MKNK2: variants seen among roughly 807,000 people sequenced by gnomAD.
MKNK2 encodes the protein MAPK interacting serine/threonine kinase 2.
MKNK2 carries 54 observed loss-of-function variants against 55.0 expected under a neutral mutation model. The observed-to-expected ratio is 0.98, with a 90% CI of 0.79 to 1.23. MKNK2 has a LOEUF of 1.23. MKNK2 is among the 50% of genes most tolerant of loss of function. The pLI is 0.00. For missense variants in MKNK2, 685 were observed against 632.1 expected (o/e 1.08, Z -0.90); for synonymous variants, 323 against 256.0 (o/e 1.26, Z -2.50).
chr19:2,037,720 C>A lies in MKNK2; in HGVS notation c.*1893G>T. 7 of 1,559,682 alleles carry A rather than the reference C, an allele frequency of 4.5e-6. No individual in the cohort carries two copies. Among genetic ancestry groups the A allele is most frequent in the Non-Finnish European group, 6.1e-6 (7 of 1,143,536 alleles). Reference sequence around the variant, plus strand: ...CCAGCGATGGGAGCTGGCCTGGGGCCCAGGGTCCTCCAGGATCTTCACTCA... The same window carrying A: ...CCAGCGATGGGAGCTGGCCTGGGGCACAGGGTCCTCCAGGATCTTCACTCA... On this transcript the variant is annotated 3_prime_UTR_variant, in exon 14 of 14. Coordinates refer to ENST00000250896, the MANE Select transcript of MKNK2 (RefSeq NM_199054.3).
In MKNK2 at chr19:2,038,692, G is replaced by C; in HGVS notation, c.*921C>G. On this transcript the variant is annotated 3_prime_UTR_variant, in exon 14 of 14. Transcript: ENST00000250896. ...GCGGCGCGAGGCAGGACGTGGCTACGGTCAGACTGAGCCCTGAGAAGGGGC... is the reference window on the plus strand; with the variant it reads ...GCGGCGCGAGGCAGGACGTGGCTACCGTCAGACTGAGCCCTGAGAAGGGGC... 1 of 985,728 alleles carries C rather than the reference G, an allele frequency of 1.0e-6. No homozygotes were observed. The highest frequency in any genetic ancestry group is 1.2e-6 in the Non-Finnish European group (1 of 830,132). The allele number at this position is 985,728 out of a possible 1,614,324, so 61.1% of individuals were successfully genotyped here. A position where few individuals can be genotyped will look rare whatever the true frequency, so the allele number is the denominator to read the frequency against.
At chr19:2,049,822 T>A (rs2017074824) in intron 2 of MKNK2, among the ~76,000 whole-genome samples, 1 of 152,148 alleles carries the variant, frequency 6.6e-6, no homozygotes. Context: ...CCTGGGGCAC[T>A]GGCTGGACAG....
Position 2,043,544 on chromosome 19 carries a change from A to C in MKNK2, c.378T>G (p.Val126=). 3 of 1,614,082 alleles carry C rather than the reference A, an allele frequency of 1.9e-6. No homozygotes were observed. Among genetic ancestry groups the C allele is most frequent in the Non-Finnish European group, 2.5e-6 (3 of 1,179,972 alleles). Residue 126 remains valine (V), a synonymous_variant, in exon 6 of 14, where the codon GTT becomes GTG. Coordinates refer to ENST00000250896, the MANE Select transcript of MKNK2 (RefSeq NM_199054.3). ...EKQPGHIRSR[V]FREVEMLYQC... ...GGTACAGCATCTCCACCTCCCTGAA[A>C]ACCCTGCTCCGAATGTGGCCTGGCT...
rs1486871855 is a variant in MKNK2, at chr19:2,042,807, A to G, written c.557T>C (p.Val186Ala). 1.3e-6 allele frequency: 2 copies of G among 1,581,678 alleles called. No homozygotes were observed. Among genetic ancestry groups the G allele is most frequent in the South Asian group, 1.1e-5 (1 of 87,514 alleles). ...HFNELEASVVVQDVASALDFL... is the reference protein window; with the variant it reads ...HFNELEASVVAQDVASALDFL... ...GTCCAAGGCGCTGGCCACGTCCTGC[A>G]CCACCACGCTGGCCTCCAGCTCGTT... Residue 186 changes from valine to alanine, a missense_variant, in exon 8 of 14, where the codon GTG (valine) becomes GCG (alanine). Transcript: ENST00000250896.
Position 2,038,648 on chromosome 19 carries a change from T to A in MKNK2, c.*965A>T. On this transcript the variant is annotated 3_prime_UTR_variant, in exon 14 of 14. Transcript: ENST00000250896. ...GGACAAGGACGGAGCTGACGGAGCT[T>A]CCAGGTCAGGCCCGAGGGGCGGCGC... 2 of 983,548 alleles carry A rather than the reference T, an allele frequency of 2.0e-6. No homozygotes were observed. Among genetic ancestry groups the A allele is most frequent in the Non-Finnish European group, 2.4e-6 (2 of 828,206 alleles). The allele number at this position is 983,548 out of a possible 1,614,324, so 60.9% of individuals were successfully genotyped here. A position where few individuals can be genotyped will look rare whatever the true frequency, so the allele number is the denominator to read the frequency against.
In MKNK2 at chr19:2,041,841, T is replaced by G. The variant is rs904179749; in HGVS notation, c.944A>C (p.Gln315Pro). ...WDRGEACPAC[Q>P]NMLFESIQEG... ...AGGAGGGTGCGCGGGCCGCCGCACC[T>G]GGCAGGCAGGGCAGGCCTCGCCGCG... Residue 315 changes from glutamine to proline, a missense_variant and splice_region_variant, in exon 11 of 14, where the codon CAG (glutamine) becomes CCG (proline). Coordinates refer to ENST00000250896, the MANE Select transcript of MKNK2 (RefSeq NM_199054.3). The G allele has an allele frequency of 6.6e-7, 1 of 1,521,034 alleles. No homozygotes were observed. Among genetic ancestry groups the G allele is most frequent in the African/African-American group, 1.4e-5 (1 of 71,000 alleles). 94.2% of individuals were successfully genotyped at this position (1,521,034 alleles called of 1,614,324 possible). A position where few individuals can be genotyped will look rare whatever the true frequency, so the allele number is the denominator to read the frequency against.
At chr19:2,041,233 G>T (rs772925506) in intron 11 of MKNK2, 29 bp from the exon 12 acceptor site, 1 of 1,596,056 alleles carries the variant, frequency 6.3e-7, no homozygotes, top group Admixed American at 1.7e-5. Context: ...GGGGAGCTTA[G>T]ACCTGCCCAA....
At chr19:2,043,000 C>G in intron 7 of MKNK2, 124 bp downstream of exon 7, 1 of 1,297,180 alleles carries the variant, frequency 7.7e-7, no homozygotes, top group Non-Finnish European at 1.1e-6. Context: ...AAAGGCCTCA[C>G]CCCTGAGCCA....
rs1175341858 is a variant in MKNK2 at position 2,039,248 on chromosome 19, A to AT, written c.*364_*365insA. On this transcript the variant is annotated 3_prime_UTR_variant, in exon 14 of 14. Coordinates refer to ENST00000250896, the MANE Select transcript of MKNK2 (RefSeq NM_199054.3). ...CGCTGTGGGCCTGCTCTCCTGAGTC[A>AT]CTGCAAGCCACGTGGGCAGATGGCG... is the stretch of plus-strand genomic sequence containing the variant. 7 of 1,106,202 alleles carry AT rather than the reference A, an allele frequency of 6.3e-6. No individual in the cohort carries two copies. The highest frequency in any genetic ancestry group is 7.7e-6 in the Non-Finnish European group (7 of 903,772). The allele number at this position is 1,106,202 out of a possible 1,614,324, so 68.5% of individuals were successfully genotyped here.
chr19:2,047,157 G>A lies in MKNK2; in HGVS notation c.52-466C>T, dbSNP rs1238957371. ...TCAGGGGACGCAGAGTCTCTTAGGG[G>A]GTCCATGGAATTTGCCAACCCAGGG... On this transcript the variant is annotated intron_variant, in intron 2 of 13. Coordinates refer to ENST00000250896, the MANE Select transcript of MKNK2 (RefSeq NM_199054.3). Among the ~76,000 whole-genome samples the A allele has an allele frequency of 2.0e-5, 3 of 152,260 alleles. No homozygotes were observed. In the East Asian group the frequency reaches 5.8e-4, roughly 29 times the overall value.
At chr19:2,043,370 T>G in intron 6 of MKNK2, 133 bp downstream of exon 6, 1 of 1,045,160 alleles carries the variant, frequency 9.6e-7, no homozygotes, top group East Asian at 2.5e-5. Flanking sequence ...GCCAGCCTGC[T>G]TCAGGGAGGG....
rs757299941 is a variant in MKNK2, at chr19:2,039,757, G to A, written c.1254C>T (p.Ala418=). The stretch of plus-strand genomic sequence containing the variant: ...CCAGGACGGGCTGGCCCTGCCCCGC[G>A]GCCTCCTCCTCAGCCAGGTCCTCGT... ...QHDEDLAEEE[A]AGQGQPVLVR... is the part of the protein sequence containing the mutation. Residue 418 remains alanine (A), a synonymous_variant, in exon 14 of 14, where the codon GCC becomes GCT. Coordinates refer to ENST00000250896, the MANE Select transcript of MKNK2 (RefSeq NM_199054.3). 6.5e-5 allele frequency: 105 copies of A among 1,609,404 alleles called. No homozygotes were observed. The highest frequency in any genetic ancestry group is 8.0e-5 in the Non-Finnish European group (94 of 1,179,752).
At chr19:2,046,062 GC>G (rs1427952074) in intron 5 of MKNK2, 123 bp downstream of exon 5, 1 of 961,244 alleles carries the variant, frequency 1.0e-6, no homozygotes, top group Non-Finnish European at 1.6e-6. Context: ...GGGCCCGGTG[GC>G]CACTTTTAGA....
At position 2,039,758 on chromosome 19, in the gene MKNK2, GCCT is replaced by G. The variant is rs1419375064; in HGVS notation, c.1250_1252del (p.Glu417del). ...CAGGACGGGCTGGCCCTGCCCCGCG[GCCT>G]CCTCCTCAGCCAGGTCCTCGTCGTG... is the stretch of plus-strand genomic sequence containing the variant. On this transcript the variant is annotated inframe_deletion, in exon 14 of 14. Transcript: ENST00000250896. The G allele has an allele frequency of 3.1e-6, 5 of 1,609,444 alleles. No individual in the cohort carries two copies. In the African/African-American group the frequency reaches 4.0e-5, roughly 13 times the overall value.
At chr19:2,045,667 G>C (rs965930135) in intron 5 of MKNK2, among the ~76,000 whole-genome samples, 6 of 152,196 alleles carry the variant, frequency 3.9e-5, no homozygotes, top group Admixed American at 3.9e-4. Context: ...CCGGGAGCCG[G>C]ATGCCAGGTC....
chr19:2,038,285 G>A lies in MKNK2; in HGVS notation c.*1328C>T, dbSNP rs537784696. ...GAAAAACTAAAAAACTAAACAGGAG[G>A]AAGAATCCCGACCGCGGATTTAGAA... On this transcript the variant is annotated 3_prime_UTR_variant, in exon 14 of 14. Transcript: ENST00000250896. 643 of 986,880 alleles carry A rather than the reference G, an allele frequency of 6.5e-4. No homozygotes were observed. The highest frequency in any genetic ancestry group is 7.4e-4 in the Non-Finnish European group (615 of 830,714). The allele number at this position is 986,880 out of a possible 1,614,324, so 61.1% of individuals were successfully genotyped here. A position where few individuals can be genotyped will look rare whatever the true frequency, so the allele number is the denominator to read the frequency against.
chr19:2,043,176 C>A lies in MKNK2; in HGVS notation c.441G>T (p.Glu147Asp). 1 of 1,595,836 alleles carries A rather than the reference C, an allele frequency of 6.3e-7. No homozygotes were observed. Among genetic ancestry groups the A allele is most frequent in the Non-Finnish European group, 8.6e-7 (1 of 1,163,456 alleles). Reference protein sequence around the residue: ...QGHRNVLELIEFFEEEDRFYL... With the variant: ...QGHRNVLELIDFFEEEDRFYL... ...AGAAGCGGTCCTCCTCCTCGAAGAA[C>A]TCAATCAGCTCTAGGACGTTCCTGG... The change falls in exon 7 of 14, where the codon GAG becomes GAT. Residue 147 changes from glutamate (E) to aspartate (D), a missense_variant. Glu to Asp is a conservative substitution (Grantham distance 45). Coordinates refer to ENST00000250896, the MANE Select transcript of MKNK2 (RefSeq NM_199054.3).
rs542248875 is a variant in MKNK2 at position 2,044,028 on chromosome 19, T to C, written c.340-446A>G. 1.3e-4 allele frequency among the ~76,000 whole-genome samples: 19 copies of C among 144,722 alleles called. No homozygotes were observed. In the East Asian group the frequency reaches 3.9e-3, roughly 30 times the overall value. The allele number at this position is 144,722 out of a possible 152,430, so 94.9% of individuals were successfully genotyped here. The stretch of plus-strand genomic sequence containing the variant: ...AAGCCAGTGGAGGCTGCTCTCCACC[T>C]GTGACCCTGACAGCCCTCAGAGACA... On this transcript the variant is annotated intron_variant, in intron 5 of 13. Transcript: ENST00000250896.
intron 2 of MKNK2, among the ~76,000 whole-genome samples, chr19:2,046,896 G>A (rs1483401234): frequency 6.6e-6 from 1 of 152,178 alleles, no homozygotes; most frequent in Non-Finnish European, 1.5e-5. Flanking sequence ...TAAACCAGGG[G>A]ACCCCCAAGC....
Sources: allele counts gnomAD v4.1 joint callset (sites outside exome capture counted in the v4.1 genomes callset), GRCh38; gene constraint gnomAD v4.1.1; transcripts MANE v1.5; gene names NCBI Gene and HGNC (gene_info 2026-07-23, HGNC 2026-07-21).